SORBS2: variants seen among roughly 807,000 people sequenced by gnomAD.
SORBS2 encodes sorbin and SH3 domain containing 2.
Under a neutral mutation model 97.7 loss-of-function variants are expected in SORBS2, and 46 were observed. That is an observed-to-expected ratio of 0.47 (90% confidence interval 0.37 to 0.60). SORBS2 has a LOEUF of 0.60. SORBS2 is among the 20% of genes least tolerant of loss of function. The pLI, the probability that SORBS2 is intolerant of heterozygous loss-of-function variation, is 0.00. For synonymous variants in SORBS2, 476 were observed against 473.4 expected (o/e 1.01, Z -0.07); for missense variants, 1,316 against 1,282.3 (o/e 1.03, Z -0.40).
At chr4:185,697,295 T>C (rs1488348493) in intron 2 of SORBS2, among the ~76,000 whole-genome samples, 2 of 152,228 alleles carry the variant, frequency 1.3e-5, no homozygotes, top group Non-Finnish European at 2.9e-5. Context: ...GGCATTATTG[T>C]ATTGCTTTAG....
At chr4:185,911,464 G>A (rs2099255028) in intron 1 of SORBS2, among the ~76,000 whole-genome samples, 1 of 151,940 alleles carries the variant, frequency 6.6e-6, no homozygotes, top group Non-Finnish European at 1.5e-5. Context: ...CCTGGGCTCA[G>A]TCTTCCCACC....
intron 1 of SORBS2, among the ~76,000 whole-genome samples, chr4:185,890,865 T>C (rs934135364): frequency 9.2e-5 from 14 of 152,224 alleles, no homozygotes; most frequent in African/African-American, 3.4e-4. Flanking sequence ...ACAGGCTTTT[T>C]AAGGGTAGGA....
At chr4:185,609,218 G>A (rs907435730) in intron 12 of SORBS2, among the ~76,000 whole-genome samples, 3 of 152,150 alleles carry the variant, frequency 2.0e-5, no homozygotes, top group Non-Finnish European at 4.4e-5. Context: ...GCAGTCTACA[G>A]AAGTTCCCTT....
chr4:185,819,489 G>A (rs1329217061), intron 1 of SORBS2, among the ~76,000 whole-genome samples: 4 of 152,210 alleles, frequency 2.6e-5, no homozygotes, highest in South Asian at 4.1e-4. Context: ...TCTCAAAAAC[G>A]TGGTCTTTTC....
chr4:185,651,658 ATCC>A (rs2097315787), intron 2 of SORBS2, 123 bp downstream of exon 11: 11 of 704,240 alleles, frequency 1.6e-5, no homozygotes, highest in South Asian at 4.9e-5. Flanking sequence ...AAGAAAAGAA[ATCC>A]TCCTCCTAAT....
chr4:185,659,931 C>T (rs1019480174), upstream of SORBS2, among the ~76,000 whole-genome samples: 4 of 152,164 alleles, frequency 2.6e-5, no homozygotes, highest in South Asian at 2.1e-4. Context: ...GAACCCATAC[C>T]TTATGCAATA....
intron 12 of SORBS2, among the ~76,000 whole-genome samples, chr4:185,595,053 G>A (rs1319602112): frequency 6.6e-6 from 1 of 152,126 alleles, no homozygotes; most frequent in Non-Finnish European, 1.5e-5. Flanking sequence ...ATCCAAGCTT[G>A]GATGGATAAT....
chr4:185,680,298 T>C (rs115746947), intron 2 of SORBS2, among the ~76,000 whole-genome samples: 1 of 152,240 alleles, frequency 6.6e-6, no homozygotes, highest in African/African-American at 2.4e-5. Context: ...TATGTGCCAC[T>C]GGGCCTGGCC....
At chr4:185,852,962 G>A (rs2099218758) in intron 1 of SORBS2, among the ~76,000 whole-genome samples, 1 of 152,118 alleles carries the variant, frequency 6.6e-6, no homozygotes, top group Non-Finnish European at 1.5e-5. Context: ...CACCCTGCAG[G>A]GGTCCTGAGG....
At chr4:185,788,892 T>C (rs543918376) in intron 1 of SORBS2, among the ~76,000 whole-genome samples, 1 of 152,342 alleles carries the variant, frequency 6.6e-6, no homozygotes, top group Non-Finnish European at 1.5e-5. Flanking sequence ...TTAAAAACAG[T>C]TGCACACATT....
At chr4:185,847,330 T>C (rs1218910254) in intron 1 of SORBS2, among the ~76,000 whole-genome samples, 2 of 152,178 alleles carry the variant, frequency 1.3e-5, no homozygotes, top group East Asian at 1.9e-4. Flanking sequence ...AGGGACTGAA[T>C]TGGTTTCCCT....
chr4:185,619,043 A>C (rs978447465), intron 8 of SORBS2, among the ~76,000 whole-genome samples: 23 of 152,210 alleles, frequency 1.5e-4, no homozygotes, highest in Admixed American at 1.4e-3. Context: ...GTCATAAAAG[A>C]AGTAATCATT....
At chr4:185,835,580 C>G (rs2099207586) in intron 1 of SORBS2, among the ~76,000 whole-genome samples, 3 of 150,966 alleles carry the variant, frequency 2.0e-5, no homozygotes, top group African/African-American at 7.3e-5. Flanking sequence ...CATTTGCGCA[C>G]TGTTCAAAAA....
chr4:185,948,370 C>T (rs1469911593), intron 1 of SORBS2, among the ~76,000 whole-genome samples: 2 of 152,160 alleles, frequency 1.3e-5, no homozygotes, highest in Non-Finnish European at 2.9e-5. Flanking sequence ...TACATTAGCC[C>T]TCCCAATTTT....
chr4:185,777,212 T>C (rs1223417869), intron 1 of SORBS2, among the ~76,000 whole-genome samples: 1 of 152,190 alleles, frequency 6.6e-6, no homozygotes, highest in Non-Finnish European at 1.5e-5. Flanking sequence ...ATCAACTTTG[T>C]TTTAAAAATG....
chr4:185,599,096 A>G (rs1214801968), intron 12 of SORBS2, among the ~76,000 whole-genome samples: 1 of 152,252 alleles, frequency 6.6e-6, no homozygotes, highest in South Asian at 2.1e-4. Flanking sequence ...CTTCCTATGC[A>G]ATGCAAAAAG....
At chr4:185,739,165 CA>C (rs1244600542) in intron 2 of SORBS2, among the ~76,000 whole-genome samples, 1 of 152,192 alleles carries the variant, frequency 6.6e-6, no homozygotes, top group Admixed American at 6.5e-5. Flanking sequence ...TGAAAAATAG[CA>C]ATTTGTATGG....
intron 1 of SORBS2, among the ~76,000 whole-genome samples, chr4:185,827,156 TCA>T (rs1410021413): frequency 1.7e-5 from 1 of 59,258 alleles, no homozygotes; most frequent in African/African-American, 6.6e-5. Flanking sequence ...GCCATCATCA[TCA>T]TCACCATCAT....
At chr4:185,616,576 G>C (rs1021059422) in intron 9 of SORBS2, among the ~76,000 whole-genome samples, 1 of 151,812 alleles carries the variant, frequency 6.6e-6, no homozygotes, top group Admixed American at 6.6e-5. Flanking sequence ...TGAATCAGAG[G>C]CAACCAATTT....
Sources: gnomAD v4.1 joint callset for allele counts (sites outside exome capture counted in the v4.1 genomes callset) on GRCh38, gnomAD v4.1.1 for gene constraint, MANE v1.5 for transcripts, NCBI Gene and HGNC (gene_info 2026-07-23, HGNC 2026-07-21) for gene names.